Variants in CNTN5 observed in about 807,000 individuals in gnomAD.
The protein encoded by CNTN5 is contactin 5.
In CNTN5, 77 loss-of-function variants were observed where a neutral mutation model predicts 129.1. The observed-to-expected ratio is 0.60, with a 90% confidence interval of 0.50 to 0.72. CNTN5 has a LOEUF of 0.72. Among genes scored for constraint, CNTN5 ranks in the 30% least tolerant of loss-of-function variants. CNTN5 has a pLI of 0.00. For missense variants in CNTN5, 1,478 were observed against 1,328.8 expected, an observed-to-expected ratio of 1.11 and a Z score of -1.75; for synonymous variants, 509 against 465.6, an observed-to-expected ratio of 1.09 and a Z score of -1.20.
chr11:99,335,155 T>C (rs1866168189), intron 2 of CNTN5, among the ~76,000 whole-genome samples: 1 of 152,144 alleles, frequency 6.6e-6, no homozygotes, highest in South Asian at 2.1e-4. Context: ...TGTTCTATGA[T>C]TGATTCTCAC....
intron 2 of CNTN5, among the ~76,000 whole-genome samples, chr11:99,455,352 ACATT>A (rs1944457574): frequency 6.6e-6 from 1 of 152,172 alleles, no homozygotes; most frequent in Non-Finnish European, 1.5e-5. Context: ...TAAAATTTTG[ACATT>A]CAGTGGGCAA....
At chr11:99,660,454 T>G (rs772224233) in intron 3 of CNTN5, among the ~76,000 whole-genome samples, 1 of 152,092 alleles carries the variant, frequency 6.6e-6, no homozygotes, top group Non-Finnish European at 1.5e-5. Flanking sequence ...CTCAGAAAAT[T>G]ATGCAACTTA....
intron 1 of CNTN5, among the ~76,000 whole-genome samples, chr11:99,023,029 C>T (rs1862950183): frequency 6.6e-6 from 1 of 152,262 alleles, no homozygotes. Context: ...TTGTGAGGCA[C>T]ATGCACACCA....
At chr11:99,286,003 A>T (rs1234399474) in intron 1 of CNTN5, among the ~76,000 whole-genome samples, 2 of 137,548 alleles carry the variant, frequency 1.5e-5, no homozygotes, top group Middle Eastern at 4.2e-3. Flanking sequence ...GCGCCACTGC[A>T]CTCCAGCCTG....
intron 1 of CNTN5, among the ~76,000 whole-genome samples, chr11:99,111,860 G>A (rs1403413374): frequency 6.6e-6 from 1 of 151,940 alleles, no homozygotes; most frequent in Non-Finnish European, 1.5e-5. Flanking sequence ...GTTGCTGACA[G>A]CACTTGAATT....
At chr11:99,784,261 A>T (rs1250999163) in intron 3 of CNTN5, among the ~76,000 whole-genome samples, 6 of 152,012 alleles carry the variant, frequency 3.9e-5, no homozygotes, top group Non-Finnish European at 8.8e-5. Flanking sequence ...CGTCATCTAC[A>T]TTACATTAGG....
At chr11:100,107,102 G>C (rs1357065090) in intron 13 of CNTN5, among the ~76,000 whole-genome samples, 1 of 152,076 alleles carries the variant, frequency 6.6e-6, no homozygotes, top group Non-Finnish European at 1.5e-5. Context: ...TTCTAGTTTT[G>C]AACCTAGCTT....
At chr11:99,035,477 A>C (rs1335835931) in intron 1 of CNTN5, among the ~76,000 whole-genome samples, 1 of 151,778 alleles carries the variant, frequency 6.6e-6, no homozygotes, top group Non-Finnish European at 1.5e-5. Flanking sequence ...ATATATATTT[A>C]GGATGGTTAG....
intron 6 of CNTN5, among the ~76,000 whole-genome samples, chr11:99,889,329 TGTGTGTG>T (rs1565642819): frequency 8.8e-4 from 41 of 46,354 alleles, no homozygotes; most frequent in African/African-American, 2.5e-3. Flanking sequence ...TGTGTGTGTG[TGTGTGTG>T]TGTGTGTGTG....
chr11:99,952,473 G>T (rs1203578002), intron 7 of CNTN5, among the ~76,000 whole-genome samples: 1 of 151,992 alleles, frequency 6.6e-6, no homozygotes, highest in Non-Finnish European at 1.5e-5. Flanking sequence ...ATTAATACAA[G>T]CATATAGAAA....
intron 2 of CNTN5, among the ~76,000 whole-genome samples, chr11:99,506,196 T>G (rs1162370459): frequency 2.6e-5 from 4 of 152,210 alleles, no homozygotes; most frequent in Non-Finnish European, 5.9e-5. Context: ...CATTTCTTGG[T>G]CAGCAAATTA....
At chr11:99,765,840 A>T (rs1320101061) in intron 3 of CNTN5, among the ~76,000 whole-genome samples, 3 of 151,944 alleles carry the variant, frequency 2.0e-5, no homozygotes, top group Non-Finnish European at 4.4e-5. Flanking sequence ...TCAATTAGAT[A>T]TGAAGAACAT....
chr11:99,236,456 ACACT>A (rs202048204), intron 1 of CNTN5, among the ~76,000 whole-genome samples: 4,777 of 92,590 alleles, frequency 0.052, 105 homozygotes, highest in Middle Eastern at 0.11. Flanking sequence ...CATTCTACAC[ACACT>A]CACACACAAA....
intron 2 of CNTN5, among the ~76,000 whole-genome samples, chr11:99,518,247 G>A (rs1271739958): frequency 6.6e-6 from 1 of 152,052 alleles, no homozygotes; most frequent in African/African-American, 2.4e-5. Flanking sequence ...TGACCAGTAG[G>A]TGTCATTCAC....
At chr11:99,118,640 T>C (rs2135400934) in intron 1 of CNTN5, among the ~76,000 whole-genome samples, 1 of 152,232 alleles carries the variant, frequency 6.6e-6, no homozygotes, top group African/African-American at 2.4e-5. Flanking sequence ...AACAAGAACC[T>C]GAGTTAAAAC....
chr11:100,024,006 A>T (rs1484219194), intron 9 of CNTN5, among the ~76,000 whole-genome samples: 1 of 151,838 alleles, frequency 6.6e-6, no homozygotes, highest in East Asian at 1.9e-4. Flanking sequence ...TAAGTTTTCA[A>T]CTCCTTTTGT....
chr11:99,402,300 T>A, intron 2 of CNTN5, among the ~76,000 whole-genome samples: 1 of 152,190 alleles, frequency 6.6e-6, no homozygotes, highest in Non-Finnish European at 1.5e-5. Context: ...TTTTATCAAA[T>A]GCTTTTTATA....
chr11:99,673,303 T>C (rs1255528622), intron 3 of CNTN5, among the ~76,000 whole-genome samples: 2 of 152,152 alleles, frequency 1.3e-5, no homozygotes, highest in Admixed American at 6.6e-5. Flanking sequence ...AGCACAGACT[T>C]ATAGCCAGAT....
chr11:100,083,317 CAA>C (rs71050046), intron 13 of CNTN5, among the ~76,000 whole-genome samples: 27 of 127,884 alleles, frequency 2.1e-4, no homozygotes, highest in African/African-American at 3.9e-4. Context: ...AACTCTGTCT[CAA>C]AAAAAAAAAA....
Sources: gnomAD v4.1 joint callset for allele counts (sites outside exome capture counted in the v4.1 genomes callset) on GRCh38, gnomAD v4.1.1 for gene constraint, MANE v1.5 for transcripts, NCBI Gene and HGNC (gene_info 2026-07-23, HGNC 2026-07-21) for gene names.